Variants in CYLD observed in about 807,000 individuals in gnomAD.
CYLD encodes the protein CYLD lysine 63 deubiquitinase, also known as ubiquitin carboxyl-terminal hydrolase CYLD.
In CYLD, 26 loss-of-function variants were observed where a neutral mutation model predicts 104.5. The ratio of observed to expected loss-of-function variants is 0.25; its 90% confidence interval spans 0.18 to 0.35. The LOEUF (loss-of-function observed/expected upper bound fraction) is 0.35. CYLD is among the 10% of genes least tolerant of loss of function. The probability of loss-of-function intolerance (pLI) is 1.00; values close to 1 mark genes in which losing one functional copy is unlikely to be tolerated. For missense variants in CYLD, 703 were observed against 1,136.1 expected (o/e 0.62, Z 5.48); for synonymous variants, 385 against 399.9 (o/e 0.96, Z 0.45).
intron 2 of CYLD, among the ~76,000 whole-genome samples, chr16:50,748,223 T>TTA (rs1279760616): frequency 6.6e-6 from 1 of 152,200 alleles, no homozygotes; most frequent in Admixed American, 6.5e-5. Context: ...AGCCACATTC[T>TTA]TATGACAGGG....
chr16:50,750,882 T>TA (rs1335988577), intron 3 of CYLD, among the ~76,000 whole-genome samples: 1 of 152,216 alleles, frequency 6.6e-6, no homozygotes, highest in African/African-American at 2.4e-5. Context: ...TAAACTTGCT[T>TA]ATAATTGTCC....
intron 17 of CYLD, among the ~76,000 whole-genome samples, chr16:50,793,919 CATTT>C (rs1221162212): frequency 7.8e-6 from 1 of 127,880 alleles, no homozygotes; most frequent in African/African-American, 3.2e-5. Context: ...TCATTAATGA[CATTT>C]TTTTTTTTTT....
rs114299646 is a variant in CYLD, at chr16:50,749,199, T to A, written c.-123-377T>A. Among the ~76,000 whole-genome samples, 406 of 152,334 alleles carry A rather than the reference T, an allele frequency of 2.7e-3. 6 individuals carry two copies. The highest frequency in any genetic ancestry group is 9.2e-3 in the African/African-American group (384 of 41,574). On this transcript the variant is annotated intron_variant, in intron 2 of 18. Coordinates refer to ENST00000427738, the MANE Select transcript of CYLD (RefSeq NM_001378743.1). ...CATGGGCAACAAGAGTGAGACCCTG[T>A]CTCAAAACAAATAAATAAAAATAAA... is the stretch of plus-strand genomic sequence containing the variant.
At chr16:50,763,284 G>T (rs1181660555) in intron 5 of CYLD, among the ~76,000 whole-genome samples, 3 of 151,122 alleles carry the variant, frequency 2.0e-5, no homozygotes, top group South Asian at 2.1e-4. Flanking sequence ...AGATATTTAG[G>T]TTTTTTTTTC....
intron 5 of CYLD, among the ~76,000 whole-genome samples, chr16:50,757,672 G>A (rs911414623): frequency 1.5e-4 from 23 of 152,126 alleles, no homozygotes; most frequent in Non-Finnish European, 3.2e-4. Context: ...GAGTAGCTGG[G>A]ACCACAGGCG....
rs746359805 is a variant in CYLD at position 50,749,926 on chromosome 16, G to A, written c.228G>A (p.Glu76=). 2.2e-5 allele frequency: 35 copies of A among 1,613,990 alleles called. No individual in the cohort carries two copies. Among genetic ancestry groups the A allele is most frequent in the Non-Finnish European group, 2.7e-5 (32 of 1,180,032 alleles). ...ATCAGATTGGATTAAAAATTCTAGA[G>A]CAACCTCATGCAGTTCTCTTTGTTG... The part of the protein sequence containing the change: ...KKNQIGLKIL[E]QPHAVLFVDE... The change falls in exon 3 of 19, where the codon GAG becomes GAA. Residue 76 remains glutamate, a synonymous_variant. Transcript: ENST00000427738.
At chr16:50,770,732 T>A (rs1372835326) in intron 5 of CYLD, among the ~76,000 whole-genome samples, 1 of 152,204 alleles carries the variant, frequency 6.6e-6, no homozygotes, top group East Asian at 1.9e-4. Flanking sequence ...ATTACAGGCA[T>A]GAGCCCCTGC....
At chr16:50,776,116 A>T (rs940874737) in intron 6 of CYLD, 63 bp from the exon 7 acceptor site, 4 of 1,198,132 alleles carry the variant, frequency 3.3e-6, no homozygotes, top group African/African-American at 1.5e-5. Flanking sequence ...TGTTACTGTC[A>T]TTCCTTGTTT....
chr16:50,782,521 T>A, intron 11 of CYLD, 55 bp downstream of exon 11: 1 of 1,538,408 alleles, frequency 6.5e-7, no homozygotes, highest in Non-Finnish European at 9.0e-7. Context: ...CAGGGACACA[T>A]ACCGGTGTGT....
intron 16 of CYLD, 53 bp downstream of exon 16, chr16:50,792,758 A>G (rs1273895558): frequency 8.3e-6 from 8 of 966,854 alleles, no homozygotes; most frequent in Admixed American, 2.0e-5. Flanking sequence ...AAATTGTCAG[A>G]TAATTCTCAT....
At chr16:50,758,648 A>T (rs1316643967) in intron 5 of CYLD, among the ~76,000 whole-genome samples, 1 of 152,142 alleles carries the variant, frequency 6.6e-6, no homozygotes, top group Non-Finnish European at 1.5e-5. Context: ...TAATGTAAAG[A>T]TCCCATCAAG....
chr16:50,757,661 C>T (rs985837789), intron 5 of CYLD, among the ~76,000 whole-genome samples: 5 of 151,968 alleles, frequency 3.3e-5, no homozygotes, highest in Admixed American at 6.6e-5. Flanking sequence ...CTCAGCCTCC[C>T]GAGTAGCTGG....
At position 50,781,316 on chromosome 16, in the gene CYLD, A is replaced by G; in HGVS notation, c.1589A>G (p.Lys530Arg). 1.2e-6 allele frequency: 2 copies of G among 1,613,948 alleles called. No individual in the cohort carries two copies. Among genetic ancestry groups the G allele is most frequent in the Non-Finnish European group, 1.7e-6 (2 of 1,179,888 alleles). The change falls in exon 10 of 19, where the codon AAG (lysine) becomes AGG (arginine). Residue 530 changes from lysine (K) to arginine (R), a missense_variant. By Grantham distance (26) the Lys-to-Arg change is conservative (BLOSUM62 2). Transcript: ENST00000427738. Reference protein sequence around the residue: ...GTRYFTCALKKALFVKLKSCR... With the variant: ...GTRYFTCALKRALFVKLKSCR... ...CGGTATTTCACCTGTGCCCTGAAGA[A>G]GGCGCTGTTTGTGAAACTGAAGAGC...
chr16:50,761,609 C>T (rs1567432488), intron 5 of CYLD, among the ~76,000 whole-genome samples: 1 of 152,124 alleles, frequency 6.6e-6, no homozygotes, highest in African/African-American at 2.4e-5. Context: ...TGCTTTTTGC[C>T]TTGCAGGATT....
chr16:50,759,883 AT>A (rs1188985017), intron 5 of CYLD, among the ~76,000 whole-genome samples: 1 of 152,058 alleles, frequency 6.6e-6, no homozygotes, highest in African/African-American at 2.4e-5. Context: ...TTAAACACGT[AT>A]TTTTTGCCTG....
chr16:50,761,775 T>TATCTATCTATCA (rs1348271485), intron 5 of CYLD, among the ~76,000 whole-genome samples: 36 of 152,146 alleles, frequency 2.4e-4, no homozygotes, highest in African/African-American at 8.7e-4. Flanking sequence ...TCTATCTATC[T>TATCTATCTATCA]ATATCTTTGA....
At chr16:50,778,052 C>T (rs747411657) in intron 8 of CYLD, 111 bp downstream of exon 8, 13 of 685,950 alleles carry the variant, frequency 1.9e-5, no homozygotes, top group East Asian at 5.2e-5. Context: ...ATAAGTAGAC[C>T]GCTCTTTGTA....
chr16:50,755,968 T>G (rs1967189744), intron 5 of CYLD, among the ~76,000 whole-genome samples: 1 of 152,226 alleles, frequency 6.6e-6, no homozygotes, highest in South Asian at 2.1e-4. Flanking sequence ...TCCAATGTTA[T>G]CCTCTAGAAT....
At position 50,794,052 on chromosome 16, in the gene CYLD, C is replaced by G. The variant is rs1164722838; in HGVS notation, c.2470-160C>G. On this transcript the variant is annotated intron_variant, in intron 17 of 18. Transcript: ENST00000427738. This position sits in a 1 kb window ranked among gnomAD's most constrained non-coding sequence, Gnocchi z 4.1. ...AAATGATTCTCCTGCCTCAGCCTCC[C>G]GAGTAGCTGGGACTGCAGGCGCCTG... Among the ~76,000 whole-genome samples the G allele has an allele frequency of 1.3e-5, 2 of 151,858 alleles. No homozygotes were observed. The highest frequency in any genetic ancestry group is 2.9e-5 in the Non-Finnish European group (2 of 67,938).
Sources: allele counts gnomAD v4.1 joint callset (sites outside exome capture counted in the v4.1 genomes callset), GRCh38; gene constraint gnomAD v4.1.1; non-coding constraint Gnocchi (gnomAD v3.1); transcripts MANE v1.5; gene names NCBI Gene and HGNC (gene_info 2026-07-23, HGNC 2026-07-21).